The following DPAGT1 variants were observed in gnomAD, a reference collection of about 807,000 sequenced individuals.
The protein encoded by DPAGT1 is UDP-N-acetylglucosamine--dolichyl-phosphate N-acetylglucosaminephosphotransferase.
A neutral mutation model predicts 39.3 loss-of-function variants in DPAGT1; 25 were observed. The ratio of observed to expected loss-of-function variants is 0.64; its 90% CI spans 0.46 to 0.89. The LOEUF (loss-of-function observed/expected upper bound fraction) is 0.89. Among genes scored for constraint, DPAGT1 ranks in the 40% least tolerant of loss-of-function variants. The pLI, the probability that DPAGT1 is intolerant of heterozygous loss-of-function variation, is 0.00. For synonymous variants in DPAGT1, 193 were observed against 201.4 expected (o/e 0.96, Z 0.36); for missense variants, 381 against 500.6 (o/e 0.76, Z 2.28).
In DPAGT1 at chr11:119,100,281, G is replaced by A. The variant is rs1384392533; in HGVS notation, c.624C>T (p.Phe208=). ...ACCTACCTTCCAACTCTACCAGGTT[G>A]AAGACAATGATGGAAGCAGAAATGA... ...SLVISASIIV[F]NLVELEGDCR... Residue 208 remains phenylalanine, a synonymous_variant, in exon 4 of 9, where the codon TTC becomes TTT. Coordinates refer to ENST00000354202, the MANE Select transcript of DPAGT1 (RefSeq NM_001382.4). The A allele has an allele frequency of 2.5e-6, 4 of 1,614,092 alleles. No homozygotes were observed. Among genetic ancestry groups the A allele is most frequent in the Non-Finnish European group, 3.4e-6 (4 of 1,180,028 alleles).
chr11:119,096,667 C>G lies in DPAGT1; in HGVS notation c.*331G>C. The G allele has an allele frequency of 2.3e-6, 1 of 427,796 alleles. No individual in the cohort carries two copies. 26.5% of individuals were successfully genotyped at this position (427,796 alleles called of 1,614,324 possible). On this transcript the variant is annotated 3_prime_UTR_variant, in exon 9 of 9. Transcript: ENST00000354202. ...AGTTCTATCCCAAAAACCAGTGGTT[C>G]CTTGAGAGTCAGGACTCTGAAATGT...
Position 119,097,316 on chromosome 11 carries a change from A to C in DPAGT1, c.1006-19T>G. 6.2e-7 allele frequency: 1 copy of C among 1,614,160 alleles called. No homozygotes were observed. The highest frequency in any genetic ancestry group is 8.5e-7 in the Non-Finnish European group (1 of 1,180,008). On this transcript the variant is annotated intron_variant, in intron 7 of 8. Transcript: ENST00000354202. This position sits in a 1 kb window ranked among gnomAD's most constrained non-coding sequence, Gnocchi z 4.6. Reference sequence around the variant, plus strand: ...CTGCCACCTGGAGGGACCAGAGGTGAAGAGAACCTCAGCTAATACCTATGC... The same window carrying C: ...CTGCCACCTGGAGGGACCAGAGGTGCAGAGAACCTCAGCTAATACCTATGC...
downstream of DPAGT1, chr11:119,094,651 C>T: frequency 4.3e-6 from 1 of 232,120 alleles, no homozygotes; most frequent in Non-Finnish European, 8.3e-6. Flanking sequence ...CTCGGGTCTT[C>T]CGCGCCACGG....
Position 119,096,835 on chromosome 11 carries a change from G to T in DPAGT1, c.*163C>A. The T allele has an allele frequency of 1.2e-6, 1 of 848,496 alleles. No individual in the cohort carries two copies. The allele number at this position is 848,496 out of a possible 1,614,324, so 52.6% of individuals were successfully genotyped here. ...TCAGCAGAGGGCAAGAAACGCCCAGGATGCCAATGATCACAGAGAAAGGAA... is the reference window on the plus strand; with the variant it reads ...TCAGCAGAGGGCAAGAAACGCCCAGTATGCCAATGATCACAGAGAAAGGAA... On this transcript the variant is annotated 3_prime_UTR_variant, in exon 9 of 9. Coordinates refer to ENST00000354202, the MANE Select transcript of DPAGT1 (RefSeq NM_001382.4).
Position 119,097,243 on chromosome 11 carries a change from CA to C in DPAGT1, c.1059del (p.Glu354AsnfsTer8), listed in dbSNP as rs1235603743. The C allele has an allele frequency of 6.2e-7, 1 of 1,614,106 alleles. No individual in the cohort carries two copies. Among genetic ancestry groups the C allele is most frequent in the Non-Finnish European group, 8.5e-7 (1 of 1,180,052 alleles). On this transcript the variant is annotated frameshift_variant, in exon 8 of 9. Transcript: ENST00000354202. LOFTEE classifies it high-confidence loss of function. The surrounding 1 kb of genome is among the most constrained non-coding windows in gnomAD (Gnocchi z 4.6). ...GTCATGTTGTTACATTCAGTGAATT[CA>C]CCATCTTCAGTCTCACTCTGGTGTA... is the stretch of plus-strand genomic sequence containing the variant. ...VTVHQSETEDGEFTECNNMTL... is the reference protein window; with the variant it reads ...VTVHQSETEDXEFTECNNMTL...
downstream of DPAGT1, chr11:119,094,786 G>T: frequency 1.5e-6 from 1 of 662,316 alleles, no homozygotes; most frequent in South Asian, 2.1e-5. Context: ...GGGGCGGGCG[G>T]GGACTCGAGG....
intron 5 of DPAGT1, 166 bp downstream of exon 5, chr11:119,098,237 A>G (rs1946434261): frequency 9.2e-7 from 1 of 1,089,286 alleles, no homozygotes; most frequent in African/African-American, 1.6e-5. Context: ...CTCATCCCTA[A>G]CTACTACTGG....
chr11:119,100,063 C>G (rs1488891215), intron 4 of DPAGT1, among the ~76,000 whole-genome samples, 199 bp downstream of exon 4: 3 of 152,166 alleles, frequency 2.0e-5, no homozygotes, highest in Non-Finnish European at 4.4e-5. Context: ...TAGTGCCAAT[C>G]CAGCTATAAA....
chr11:119,101,711 C>A lies in DPAGT1; in HGVS notation c.-56G>T. 1.2e-6 allele frequency: 2 copies of A among 1,613,252 alleles called. No homozygotes were observed. Among genetic ancestry groups the A allele is most frequent in the Non-Finnish European group, 1.7e-6 (2 of 1,179,708 alleles). ...CTCTTCAGGTAACGGGCAAGCTGAG[C>A]AGCAGTCCTGAGGCCTCAGCAGTAT... On this transcript the variant is annotated 5_prime_UTR_variant, in exon 1 of 9. Transcript: ENST00000354202.
Position 119,100,383 on chromosome 11 carries a change from C to T in DPAGT1, c.522G>A (p.Gly174=). Residue 174 remains glycine (G), a synonymous_variant, in exon 4 of 9, where the codon GGG becomes GGA. Transcript: ENST00000354202. ...CATTGGTACAGAACACTGCCAGCAGCCCCATGTAGACATAGTACAGGATTC... is the reference window on the plus strand; with the variant it reads ...CATTGGTACAGAACACTGCCAGCAGTCCCATGTAGACATAGTACAGGATTC... ...DLGILYYVYM[G]LLAVFCTNAI... The T allele has an allele frequency of 6.2e-7, 1 of 1,614,178 alleles. No homozygotes were observed. Among genetic ancestry groups the T allele is most frequent in the Non-Finnish European group, 8.5e-7 (1 of 1,180,042 alleles).
Position 119,100,773 on chromosome 11 carries a change from A to C in DPAGT1, c.353T>G (p.Leu118Arg). The C allele has an allele frequency of 6.2e-7, 1 of 1,614,208 alleles. No homozygotes were observed. Among genetic ancestry groups the C allele is most frequent in the Non-Finnish European group, 8.5e-7 (1 of 1,180,038 alleles). ...CAGCTTATGGCGCCAGCGCAGATTC[A>C]GTACATCATCCGCAAAGCCCAGGAA... ...MIFLGFADDVLNLRWRHKLLL... is the reference protein window; with the variant it reads ...MIFLGFADDVRNLRWRHKLLL... The change falls in exon 3 of 9, where the codon CTG (leucine) becomes CGG (arginine). Residue 118 changes from leucine to arginine, a missense_variant. Transcript: ENST00000354202.
rs770502903 is a variant in DPAGT1 at position 119,098,041 on chromosome 11, T to C, written c.731A>G (p.Tyr244Cys). The C allele has an allele frequency of 1.4e-5, 22 of 1,614,028 alleles. No individual in the cohort carries two copies. The highest frequency in any genetic ancestry group is 1.8e-5 in the Non-Finnish European group (21 of 1,179,984). Residue 244 changes from tyrosine to cysteine, a missense_variant and splice_region_variant, in exon 6 of 9, where the codon TAC (tyrosine) becomes TGC (cysteine). Physicochemically the swap from Tyr to Cys is radical, Grantham distance 194. Transcript: ENST00000354202. ...TTLGLLYHNW[Y>C]PSRVFVGDTF... is the part of the protein sequence containing the mutation. ...ATCTCCCACAAACACCCGTGATGGGTACCTGTGTGGGGGAAGAGGATCCGA... is the reference window on the plus strand; with the variant it reads ...ATCTCCCACAAACACCCGTGATGGGCACCTGTGTGGGGGAAGAGGATCCGA...
downstream of DPAGT1, chr11:119,094,559 C>T (rs1946358013): frequency 6.2e-6 from 1 of 161,732 alleles, no homozygotes; most frequent in Admixed American, 6.5e-5. Context: ...TCCCCGCAGC[C>T]CCTTAGCGAC....
chr11:119,100,692 C>A lies in DPAGT1; in HGVS notation c.434G>T (p.Gly145Val). The change falls in exon 3 of 9, where the codon GGC becomes GTC. Residue 145 changes from glycine to valine, a missense_variant. Transcript: ENST00000354202. Reference protein sequence around the residue: ...PLLMVYFTNFGNTTIVVPKPF... With the variant: ...PLLMVYFTNFVNTTIVVPKPF... ...CTTGGGCACCACAATGGTCGTGTTG[C>A]CAAAGTTGGTGAAATAGACCATGAG... 1 of 1,614,114 alleles carries A rather than the reference C, an allele frequency of 6.2e-7. No individual in the cohort carries two copies. Among genetic ancestry groups the A allele is most frequent in the East Asian group, 2.2e-5 (1 of 44,890 alleles).
At position 119,097,970 on chromosome 11, in the gene DPAGT1, A is replaced by G; in HGVS notation, c.802T>C (p.Leu268=). ...AGMTFAVVGI[L]GHFSKTMLLF... is the part of the protein sequence containing the mutation. Reference sequence around the variant, plus strand: ...AGCATGGTCTTGCTGAAGTGTCCCAAGATGCCCACCACGGCAAAGGTCATG... The same window carrying G: ...AGCATGGTCTTGCTGAAGTGTCCCAGGATGCCCACCACGGCAAAGGTCATG... Residue 268 remains leucine, a synonymous_variant, in exon 6 of 9, where the codon TTG becomes CTG. Coordinates refer to ENST00000354202, the MANE Select transcript of DPAGT1 (RefSeq NM_001382.4). The surrounding 1 kb of genome is among the most constrained non-coding windows in gnomAD (Gnocchi z 4.6). The G allele has an allele frequency of 3.1e-6, 5 of 1,614,236 alleles. No individual in the cohort carries two copies. Among genetic ancestry groups the G allele is most frequent in the Non-Finnish European group, 3.4e-6 (4 of 1,180,036 alleles).
downstream of DPAGT1, chr11:119,094,852 GC>G: frequency 8.7e-7 from 1 of 1,155,236 alleles, no homozygotes; most frequent in African/African-American, 1.6e-5. Context: ...CGGCCCGCTT[GC>G]CCCGCAGTCT....
At position 119,098,047 on chromosome 11, in the gene DPAGT1, T is replaced by G. The variant is rs199873583; in HGVS notation, c.729-4A>C. On this transcript the variant is annotated splice_region_variant and splice_polypyrimidine_tract_variant and intron_variant, in intron 5 of 8. Coordinates refer to ENST00000354202, the MANE Select transcript of DPAGT1 (RefSeq NM_001382.4). The stretch of plus-strand genomic sequence containing the variant: ...CACAAACACCCGTGATGGGTACCTG[T>G]GTGGGGGAAGAGGATCCGAGCCAGT... 670 of 1,614,024 alleles carry G rather than the reference T, an allele frequency of 4.2e-4. 6 individuals are homozygous for G. Among genetic ancestry groups the G allele is most frequent in the Middle Eastern group, 1.7e-3 (10 of 6,036 alleles).
At chr11:119,095,056 C>T (rs774182094), downstream of DPAGT1, 2 of 1,613,830 alleles carry the variant, frequency 1.2e-6, no homozygotes, top group South Asian at 2.2e-5. Context: ...GCAGCACGGC[C>T]TGGATGTTGG....
chr11:119,097,274 C>T lies in DPAGT1; in HGVS notation c.1029G>A (p.Val343=). ...ILKVAESLQL[V]TVHQSETEDG... ...CTTCAGTCTCACTCTGGTGTACTGT[C>T]ACCAGCTGGAGGCTCTCTGCCACCT... The change falls in exon 8 of 9, where the codon GTG becomes GTA. Residue 343 remains valine (V), a synonymous_variant. Transcript: ENST00000354202. This position sits in a 1 kb window ranked among gnomAD's most constrained non-coding sequence, Gnocchi z 4.6. The T allele has an allele frequency of 6.2e-7, 1 of 1,614,196 alleles. No homozygotes were observed. Among genetic ancestry groups the T allele is most frequent in the Non-Finnish European group, 8.5e-7 (1 of 1,180,042 alleles).
Sources: allele counts gnomAD v4.1 joint callset (sites outside exome capture counted in the v4.1 genomes callset), GRCh38; gene constraint gnomAD v4.1.1; non-coding constraint Gnocchi (gnomAD v3.1); transcripts MANE v1.5; gene names NCBI Gene and HGNC (gene_info 2026-07-23, HGNC 2026-07-21).